CCDC141: variants seen among roughly 807,000 people sequenced by gnomAD.
The protein encoded by CCDC141 is coiled-coil domain-containing protein 141.
Under a neutral mutation model 181.0 loss-of-function variants are expected in CCDC141, and 168 were observed. That is an observed-to-expected ratio of 0.93 (90% CI 0.82 to 1.05). The LOEUF is 1.05. CCDC141 is among the 50% of genes least tolerant of loss of function. The probability of loss-of-function intolerance (pLI) is 0.00; values close to 1 mark genes in which losing one functional copy is unlikely to be tolerated. For missense variants in CCDC141, 1,902 were observed against 1,788.5 expected (o/e 1.06, Z -1.14); for synonymous variants, 666 against 642.3 (o/e 1.04, Z -0.56).
At chr2:178,952,479 A>C (rs7561438) in intron 5 of CCDC141, among the ~76,000 whole-genome samples, 41,542 of 152,152 alleles carry the variant, frequency 0.27, 5,706 homozygotes, top group African/African-American at 0.31. Context: ...GGCCCCAAAC[A>C]ACATCCCTAG....
intron 2 of CCDC141, among the ~76,000 whole-genome samples, chr2:179,015,763 A>G (rs967202129): frequency 3.7e-5 from 5 of 133,630 alleles, no homozygotes; most frequent in African/African-American, 1.1e-4. Flanking sequence ...TCTCATATAT[A>G]TCATATATAT....
intron 5 of CCDC141, among the ~76,000 whole-genome samples, chr2:178,957,410 G>C (rs1381562086): frequency 3.3e-5 from 5 of 152,130 alleles, no homozygotes; most frequent in African/African-American, 7.2e-5. Flanking sequence ...CTAGAACACT[G>C]ACAATGCCAA....
chr2:178,922,015 T>C (rs1483047776), intron 6 of CCDC141, among the ~76,000 whole-genome samples: 1 of 152,152 alleles, frequency 6.6e-6, no homozygotes, highest in Non-Finnish European at 1.5e-5. Context: ...GACTACTTAA[T>C]GAATATGGAG....
chr2:178,994,545 C>T, intron 2 of CCDC141, among the ~76,000 whole-genome samples: 1 of 152,214 alleles, frequency 6.6e-6, no homozygotes, highest in East Asian at 1.9e-4. Flanking sequence ...ATGGGAGGGG[C>T]TGCTGTGAAG....
chr2:178,845,566 C>T, intron 22 of CCDC141, 60 bp downstream of exon 22: 1 of 895,758 alleles, frequency 1.1e-6, no homozygotes. Context: ...TTGCAATGGA[C>T]AATGACTTTA....
intron 6 of CCDC141, among the ~76,000 whole-genome samples, chr2:178,934,030 A>G (rs1048489397): frequency 6.6e-6 from 1 of 151,250 alleles, no homozygotes; most frequent in Non-Finnish European, 1.5e-5. Flanking sequence ...TAAGATTGAC[A>G]TTTTTTTTTA....
At chr2:178,997,870 G>T (rs1175614847) in intron 2 of CCDC141, among the ~76,000 whole-genome samples, 1 of 152,108 alleles carries the variant, frequency 6.6e-6, no homozygotes, top group East Asian at 1.9e-4. Flanking sequence ...CTTAAAATGA[G>T]CCTGGTGCTC....
chr2:178,853,494 G>C lies in CCDC141; in HGVS notation c.3191C>G (p.Pro1064Arg). 6.2e-7 allele frequency: 1 copy of C among 1,614,028 alleles called. No individual in the cohort carries two copies. The highest frequency in any genetic ancestry group is 1.1e-5 in the South Asian group (1 of 91,074). Residue 1064 changes from proline (P) to arginine (R), a missense_variant, in exon 20 of 24, where the codon CCG (proline) becomes CGG (arginine). Physicochemically the swap from Pro to Arg is moderately radical, Grantham distance 103. Coordinates refer to ENST00000443758, the MANE Select transcript of CCDC141 (RefSeq NM_173648.4). ...QFNKFIAPSV[P>R]QQEERIQEAT... is the part of the protein sequence containing the mutation. Reference sequence around the variant, plus strand: ...CTCCTGAATCCTTTCTTCTTGCTGCGGCACTGAGGGTGCAATAAACTTATT... The same window carrying C: ...CTCCTGAATCCTTTCTTCTTGCTGCCGCACTGAGGGTGCAATAAACTTATT...
At chr2:178,926,162 A>T (rs567691249) in intron 6 of CCDC141, among the ~76,000 whole-genome samples, 219 of 151,522 alleles carry the variant, frequency 1.4e-3, no homozygotes, top group African/African-American at 5.1e-3. Flanking sequence ...ATAAGGATTT[A>T]AAAAAAAATC....
In CCDC141 at chr2:178,975,115, C is replaced by T. The variant is rs1691062352; in HGVS notation, c.468G>A (p.Glu156=). Residue 156 remains glutamate, a synonymous_variant, in exon 4 of 24, where the codon GAG becomes GAA. Transcript: ENST00000443758. ...QAEDFLQNTH[E]FESAESLKSL... ...ATTTTAAGGACTCAGCACTCTCAAA[C>T]TCATGAGTATTCTGGAGGAAATCTT... 2 of 1,527,894 alleles carry T rather than the reference C, an allele frequency of 1.3e-6. No individual in the cohort carries two copies. Among genetic ancestry groups the T allele is most frequent in the Middle Eastern group, 1.7e-4 (1 of 5,916 alleles). 94.6% of individuals were successfully genotyped at this position (1,527,894 alleles called of 1,614,324 possible).
Position 178,880,643 on chromosome 2 carries a change from G to C in CCDC141, c.1720-2500C>G, listed in dbSNP as rs1247335706. Among the ~76,000 whole-genome samples, 5 of 152,168 alleles carry C rather than the reference G, an allele frequency of 3.3e-5. No homozygotes were observed. The East Asian group carries it at 9.6e-4, about 29-fold the overall frequency. On this transcript the variant is annotated intron_variant, in intron 11 of 23. Coordinates refer to ENST00000443758, the MANE Select transcript of CCDC141 (RefSeq NM_173648.4). ...TAAACTTCAGCTTTGATGTTTGCTA[G>C]TGCTTGATCCTGCACACCTCACCCC...
chr2:179,040,980 A>G (rs2043280859), intron 2 of CCDC141, among the ~76,000 whole-genome samples: 1 of 152,198 alleles, frequency 6.6e-6, no homozygotes, highest in Non-Finnish European at 1.5e-5. Context: ...CAATTCAACA[A>G]TGATTCAACT....
the CCDC141 span, among the ~76,000 whole-genome samples, chr2:178,822,770 T>C: frequency 2.0e-5 from 3 of 152,216 alleles, no homozygotes; most frequent in Non-Finnish European, 4.4e-5. Context: ...GAAATGTTTA[T>C]ATCAGACATA....
the CCDC141 span, among the ~76,000 whole-genome samples, chr2:178,820,536 G>C: frequency 6.6e-6 from 1 of 152,046 alleles, no homozygotes; most frequent in Admixed American, 6.5e-5. Flanking sequence ...TTTTTATTGA[G>C]GCTCAAGCTT....
intron 6 of CCDC141, among the ~76,000 whole-genome samples, chr2:178,925,544 A>G (rs1370252990): frequency 6.6e-6 from 1 of 152,240 alleles, no homozygotes; most frequent in Non-Finnish European, 1.5e-5. Flanking sequence ...GGTTCAACAT[A>G]GATGAAAATT....
At chr2:178,916,497 A>G (rs972284972) in intron 7 of CCDC141, among the ~76,000 whole-genome samples, 3 of 151,802 alleles carry the variant, frequency 2.0e-5, no homozygotes, top group Non-Finnish European at 2.9e-5. Context: ...TAATTTCATC[A>G]TTTATTTTAC....
At chr2:178,866,012 T>C in intron 16 of CCDC141, 96 bp from the exon 17 acceptor site, 2 of 1,013,186 alleles carry the variant, frequency 2.0e-6, no homozygotes, top group South Asian at 7.3e-5. Context: ...TAAATGACAC[T>C]TTTTAAAAAA....
chr2:178,876,381 A>G (rs1428612822), intron 12 of CCDC141: 2 of 152,234 alleles, frequency 1.3e-5, no homozygotes, highest in Non-Finnish European at 1.5e-5. Context: ...CTTCACACTG[A>G]AAATCAGTGC....
At chr2:178,877,840 G>A in intron 12 of CCDC141, 124 bp downstream of exon 12, 1 of 903,854 alleles carries the variant, frequency 1.1e-6, no homozygotes, top group Non-Finnish European at 1.8e-6. Flanking sequence ...TAGGTTGAAT[G>A]AAGCTAAAGA....
Sources: gnomAD v4.1 joint callset for allele counts (sites outside exome capture counted in the v4.1 genomes callset) on GRCh38, gnomAD v4.1.1 for gene constraint, MANE v1.5 for transcripts, NCBI Gene and HGNC (gene_info 2026-07-23, HGNC 2026-07-21) for gene names.